The following ARSF variants were observed in gnomAD, a reference collection of about 807,000 sequenced individuals.
ARSF encodes arylsulfatase F.
Under a neutral mutation model 35.4 loss-of-function variants are expected in ARSF, and 33 were observed. The observed-to-expected ratio is 0.93, with a 90% CI of 0.71 to 1.25. The LOEUF is 1.25. Ranked by LOEUF, ARSF falls within the 50% of genes most tolerant of loss-of-function variation. The pLI is 0.00. For synonymous variants in ARSF, 222 were observed against 193.1 expected (o/e 1.15, Z -1.24); for missense variants, 501 against 480.2 (o/e 1.04, Z -0.40).
At chrX:3,091,158 G>T (rs781267165) in intron 7 of ARSF, among the ~76,000 whole-genome samples, 3 of 111,765 alleles carry the variant, frequency 2.7e-5, no homozygotes, top group Non-Finnish European at 3.8e-5. Context: ...CAGGTAATAT[G>T]CCTGCCTCAG....
At chrX:3,057,179 A>G (rs1406871685) in intron 1 of ARSF, among the ~76,000 whole-genome samples, 5 of 112,257 alleles carry the variant, frequency 4.5e-5, no homozygotes, top group Admixed American at 9.5e-5. Context: ...GGAGCTGAAT[A>G]TTGTTAAGCA....
intron 1 of ARSF, among the ~76,000 whole-genome samples, chrX:3,057,341 A>T (rs1372297993): frequency 8.9e-6 from 1 of 111,996 alleles, no homozygotes; most frequent in Non-Finnish European, 1.9e-5. Flanking sequence ...ACACTTGGTC[A>T]TCTGTGATCT....
At chrX:3,040,883 G>A (rs2089952463), upstream of ARSF, among the ~76,000 whole-genome samples, 1 of 111,433 alleles carries the variant, frequency 9.0e-6, no homozygotes, top group Admixed American at 9.6e-5. Context: ...GTGACACACA[G>A]TGTAGTCCCT....
At chrX:3,049,499 C>T (rs1156484067) in intron 1 of ARSF, among the ~76,000 whole-genome samples, 4 of 111,981 alleles carry the variant, frequency 3.6e-5, no homozygotes, top group African/African-American at 1.3e-4. Context: ...TGACCCACAC[C>T]TGTGAAGATA....
intron 2 of ARSF, among the ~76,000 whole-genome samples, 193 bp from the exon 3 acceptor site, chrX:3,071,824 AGCCAATAAC>A (rs2090106376): frequency 9.0e-6 from 1 of 111,726 alleles, no homozygotes; most frequent in African/African-American, 3.3e-5. Context: ...CAAAGTGAGA[AGCCAATAAC>A]GCATTACGTT....
At position 3,072,541 on chromosome X, in the gene ARSF, C is replaced by T. The variant is rs1382666897; in HGVS notation, c.161+366C>T. Among the ~76,000 whole-genome samples, 3 of 110,569 alleles carry T rather than the reference C, an allele frequency of 2.7e-5. No homozygotes were observed. The Admixed American group carries it at 2.9e-4, about 11-fold the overall frequency. ...TAGTAAAAGCATGGCTATCTGGACC[C>T]GAGTCCTGGCTCTGCATTTACTAGC... is the stretch of plus-strand genomic sequence containing the variant. On this transcript the variant is annotated intron_variant, in intron 3 of 10. Coordinates refer to ENST00000381127, the MANE Select transcript of ARSF (RefSeq NM_001201539.2).
rs960356487 is a variant in ARSF, at chrX:3,072,311, G to A, written c.161+136G>A. The A allele has an allele frequency of 1.9e-5, 11 of 577,071 alleles. No individual in the cohort carries two copies. In the African/African-American group the frequency reaches 2.1e-4, roughly 11 times the overall value. 47.6% of individuals were successfully genotyped at this position (577,071 alleles called of 1,213,427 possible). On this transcript the variant is annotated intron_variant, in intron 3 of 10. Coordinates refer to ENST00000381127, the MANE Select transcript of ARSF (RefSeq NM_001201539.2). ...TTAAGTTACTTTAAACTTTTTGATA[G>A]TTTTAAATTATTTAGATTATGTAAT... is the stretch of plus-strand genomic sequence containing the variant.
chrX:3,055,924 C>G (rs1229088827), intron 1 of ARSF, among the ~76,000 whole-genome samples: 2 of 111,330 alleles, frequency 1.8e-5, no homozygotes, highest in African/African-American at 6.5e-5. Flanking sequence ...AGAAATGCGG[C>G]ATCATTCTTT....
intron 1 of ARSF, among the ~76,000 whole-genome samples, chrX:3,042,144 T>TA (rs1269442398): frequency 1.8e-5 from 2 of 112,018 alleles, no homozygotes; most frequent in Non-Finnish European, 3.8e-5. Context: ...ATTAGTGTAG[T>TA]AAAAAGAGCT....
intron 7 of ARSF, among the ~76,000 whole-genome samples, chrX:3,091,333 T>C (rs1241404245): frequency 1.8e-5 from 2 of 112,589 alleles, no homozygotes; most frequent in Non-Finnish European, 3.7e-5. Context: ...AATTAACTGG[T>C]AAGTCAGAAT....
chrX:3,080,630 T>C (rs772911558), intron 4 of ARSF, among the ~76,000 whole-genome samples: 8 of 110,977 alleles, frequency 7.2e-5, no homozygotes, highest in Admixed American at 6.7e-4. Flanking sequence ...GCTGGGGACC[T>C]GCTTCCTGGT....
rs1378514225 is a variant in ARSF, at chrX:3,112,416, A to G, written c.1633A>G (p.Ile545Val). The change falls in exon 11 of 11, where the codon ATC becomes GTC. Residue 545 changes from isoleucine (I) to valine (V), a missense_variant. Transcript: ENST00000381127. ...ANALKEHQET[I>V]VPVTYQLSEL... is the part of the protein sequence containing the mutation. ...CGCCCTGAAGGAACACCAGGAAACCATCGTGCCTGTGACCTACCAACTCTC... is the reference window on the plus strand; with the variant it reads ...CGCCCTGAAGGAACACCAGGAAACCGTCGTGCCTGTGACCTACCAACTCTC... The G allele has an allele frequency of 8.3e-7, 1 of 1,209,450 alleles. No individual in the cohort carries two copies. Among genetic ancestry groups the G allele is most frequent in the Non-Finnish European group, 1.1e-6 (1 of 895,164 alleles).
rs776969696 is a variant in ARSF, at chrX:3,076,564, C to T, written c.178C>T (p.Arg60Cys). Residue 60 changes from arginine (R) to cysteine (C), a missense_variant, in exon 4 of 11, where the codon CGC becomes TGC. Coordinates refer to ENST00000381127, the MANE Select transcript of ARSF (RefSeq NM_001201539.2). ...CCCCTTCAGGACGCCTCACATCGAC[C>T]GCCTTGCCAGGGAAGGCGTGCGACT... ...NDTMRTPHID[R>C]LAREGVRLTQ... 51 of 1,204,662 alleles carry T rather than the reference C, an allele frequency of 4.2e-5. No homozygotes were observed. The highest frequency in any genetic ancestry group is 3.8e-4 in the Admixed American group (17 of 44,968).
chrX:3,102,131 AT>A (rs201432547), intron 8 of ARSF, among the ~76,000 whole-genome samples: 28 of 111,249 alleles, frequency 2.5e-4, no homozygotes, highest in Admixed American at 4.8e-4. Context: ...TAGACATTCT[AT>A]TTTAAAAAAA....
chrX:3,084,319 C>G lies in ARSF; in HGVS notation c.483C>G (p.Tyr161Ter). The part of the protein sequence containing the change: ...CHHPYNYGFD[Y>*]YYGMPFTLVD... ...ATCCATATAATTATGGGTTTGACTA[C>G]TACTATGGCATGCCGTTCACTCTCG... The change falls in exon 6 of 11, where the codon TAC becomes TAG. Residue 161 changes from tyrosine to a stop codon, truncating the protein, a stop_gained. Transcript: ENST00000381127. LOFTEE classifies it high-confidence loss of function. 2 of 1,211,841 alleles carry G rather than the reference C, an allele frequency of 1.7e-6. No homozygotes were observed. The highest frequency in any genetic ancestry group is 2.2e-6 in the Non-Finnish European group (2 of 895,577).
At chrX:3,049,472 C>T (rs1412792247) in intron 1 of ARSF, among the ~76,000 whole-genome samples, 1 of 112,086 alleles carries the variant, frequency 8.9e-6, no homozygotes, top group Non-Finnish European at 1.9e-5. Flanking sequence ...GGCTGACTTT[C>T]ACTTCTGTCT....
chrX:3,095,167 G>A (rs2090330682), intron 7 of ARSF, among the ~76,000 whole-genome samples: 1 of 107,559 alleles, frequency 9.3e-6, no homozygotes, highest in South Asian at 4.0e-4. Context: ...CATTTCCATG[G>A]CCACTATGTA....
At chrX:3,100,896 G>A (rs1014254900) in intron 7 of ARSF, among the ~76,000 whole-genome samples, 191 bp from the exon 8 acceptor site, 1 of 111,723 alleles carries the variant, frequency 9.0e-6, no homozygotes, top group African/African-American at 3.2e-5. Context: ...CGCCCGGCCT[G>A]ACTCTCAGTT....
chrX:3,061,198 T>C (rs142515640), intron 1 of ARSF, among the ~76,000 whole-genome samples: 1 of 110,959 alleles, frequency 9.0e-6, no homozygotes, highest in Non-Finnish European at 1.9e-5. Flanking sequence ...TATCCAGCCA[T>C]ACTAAGCTTC....
Sources: gnomAD v4.1 joint callset for allele counts (sites outside exome capture counted in the v4.1 genomes callset) on GRCh38, gnomAD v4.1.1 for gene constraint, MANE v1.5 for transcripts, NCBI Gene and HGNC (gene_info 2026-07-23, HGNC 2026-07-21) for gene names.